The following IGSF11 variants were observed in gnomAD, a reference collection of about 807,000 sequenced individuals.
IGSF11 encodes the protein CXADR like 1.
In IGSF11, 22 loss-of-function variants were observed where a neutral mutation model predicts 41.0. That is an observed-to-expected ratio of 0.54 (90% CI 0.38 to 0.77). IGSF11 has a LOEUF of 0.77. Ranked by LOEUF, IGSF11 falls within the 30% of genes least tolerant of loss-of-function variation. The pLI is 0.00. For missense variants in IGSF11, 444 were observed against 530.8 expected, an observed-to-expected ratio of 0.84 and a Z score of 1.61; for synonymous variants, 219 against 201.3, an observed-to-expected ratio of 1.09 and a Z score of -0.74.
chr3:119,140,648 C>T (rs1359578604), intron 1 of IGSF11, among the ~76,000 whole-genome samples: 4 of 152,136 alleles, frequency 2.6e-5, no homozygotes. Context: ...ACATTCCGCC[C>T]AACCGCAGCA....
At chr3:118,923,870 C>T (rs1942059423) in intron 4 of IGSF11, among the ~76,000 whole-genome samples, 1 of 152,138 alleles carries the variant, frequency 6.6e-6, no homozygotes, top group African/African-American at 2.4e-5. Context: ...AGCAGTTTGT[C>T]ACAATATTGG....
At chr3:119,095,310 T>C (rs2076832450) in intron 1 of IGSF11, among the ~76,000 whole-genome samples, 1 of 152,074 alleles carries the variant, frequency 6.6e-6, no homozygotes, top group African/African-American at 2.4e-5. Flanking sequence ...AATTGAACAA[T>C]GAACCAAGCA....
chr3:119,022,346 G>A (rs974953517), intron 1 of IGSF11, among the ~76,000 whole-genome samples: 4 of 152,194 alleles, frequency 2.6e-5, no homozygotes, highest in Admixed American at 1.3e-4. Flanking sequence ...TGGAAATAGC[G>A]GTGATAGCTG....
intron 1 of IGSF11, among the ~76,000 whole-genome samples, chr3:118,938,331 T>C (rs1195708895): frequency 6.6e-6 from 1 of 152,206 alleles, no homozygotes; most frequent in Non-Finnish European, 1.5e-5. Context: ...CGCATGGCCA[T>C]TGATTAGTGC....
intron 6 of IGSF11, among the ~76,000 whole-genome samples, chr3:118,904,014 A>T (rs779747155): frequency 1.3e-5 from 2 of 152,294 alleles, no homozygotes; most frequent in Middle Eastern, 3.4e-3. Context: ...GAGAGAGAAG[A>T]TACGCAGGCA....
At chr3:119,137,161 T>G (rs753111637) in intron 1 of IGSF11, among the ~76,000 whole-genome samples, 24 of 151,996 alleles carry the variant, frequency 1.6e-4, no homozygotes, top group Non-Finnish European at 3.4e-4. Context: ...AAGCAATCTA[T>G]AGATGTAATG....
chr3:119,131,872 C>G (rs924771760), intron 1 of IGSF11, among the ~76,000 whole-genome samples: 4 of 152,148 alleles, frequency 2.6e-5, no homozygotes, highest in African/African-American at 9.7e-5. Context: ...ACCCTACAAG[C>G]CAGAAGAGAG....
At chr3:119,007,496 C>T (rs899125589) in intron 1 of IGSF11, among the ~76,000 whole-genome samples, 3 of 152,138 alleles carry the variant, frequency 2.0e-5, no homozygotes, top group African/African-American at 7.2e-5. Context: ...CCCCCAGATT[C>T]ATTATTCTTA....
chr3:119,062,829 A>G (rs114126165), intron 1 of IGSF11, among the ~76,000 whole-genome samples: 101 of 152,248 alleles, frequency 6.6e-4, no homozygotes, highest in African/African-American at 2.4e-3. Context: ...GCCATGATAT[A>G]CAGGAACCCA....
chr3:119,117,443 A>G (rs1171938675), intron 1 of IGSF11, among the ~76,000 whole-genome samples: 1 of 152,176 alleles, frequency 6.6e-6, no homozygotes, highest in Non-Finnish European at 1.5e-5. Flanking sequence ...ACCTCTTTTT[A>G]AAATCATCAG....
At chr3:118,967,783 T>G (rs759107757) in intron 1 of IGSF11, among the ~76,000 whole-genome samples, 1 of 152,162 alleles carries the variant, frequency 6.6e-6, no homozygotes, top group Non-Finnish European at 1.5e-5. Flanking sequence ...TGAATACATA[T>G]AGTTGTATTG....
At chr3:119,068,932 T>C (rs1018391057) in intron 1 of IGSF11, among the ~76,000 whole-genome samples, 9 of 144,454 alleles carry the variant, frequency 6.2e-5, no homozygotes, top group African/African-American at 1.0e-4. Flanking sequence ...TTTTTCTTTT[T>C]TTTTTTTTTT....
Position 119,034,756 on chromosome 3 carries a change from G to T in IGSF11, c.-174C>A. On this transcript the variant is annotated 5_prime_UTR_variant, in exon 1 of 7. In the 5' UTR this introduces an upstream ATG that the reference lacks. Transcript: ENST00000393775. ...CAGACCCACAGACGAGCCAAGTGCA[G>T]CTGCAGCGCCGCCCGGCTCCGCGGA... 7.6e-7 allele frequency: 1 copy of T among 1,317,852 alleles called. No homozygotes were observed. 81.6% of individuals were successfully genotyped at this position (1,317,852 alleles called of 1,614,324 possible).
chr3:118,912,450 C>G lies in IGSF11; in HGVS notation c.581-6732G>C, dbSNP rs145061638. 2.6e-5 allele frequency among the ~76,000 whole-genome samples: 4 copies of G among 152,280 alleles called. No homozygotes were observed. The East Asian group carries it at 7.7e-4, about 29-fold the overall frequency. On this transcript the variant is annotated intron_variant, in intron 4 of 6. Coordinates refer to ENST00000393775, the MANE Select transcript of IGSF11 (RefSeq NM_001015887.3). Reference sequence around the variant, plus strand: ...ATTTTCAATTGCTGCAGGACAAATCCCGTGTTGCCTCACATCTCCAATCAT... The same window carrying G: ...ATTTTCAATTGCTGCAGGACAAATCGCGTGTTGCCTCACATCTCCAATCAT...
At chr3:118,933,489 T>TATACAC (rs561820742) in intron 1 of IGSF11, among the ~76,000 whole-genome samples, 10 of 148,804 alleles carry the variant, frequency 6.7e-5, no homozygotes, top group Non-Finnish European at 5.9e-5. Context: ...TATATATATA[T>TATACAC]ACACACACAC....
chr3:119,036,257 T>TG (rs1940896236), upstream of IGSF11, among the ~76,000 whole-genome samples: 3 of 152,236 alleles, frequency 2.0e-5, 1 homozygote, highest in South Asian at 6.2e-4. Flanking sequence ...ATAAATGATA[T>TG]GACAGTAGAG....
upstream of IGSF11, among the ~76,000 whole-genome samples, chr3:119,037,853 A>T (rs1475763920): frequency 6.6e-6 from 1 of 152,222 alleles, no homozygotes; most frequent in Non-Finnish European, 1.5e-5. Flanking sequence ...TTATTTTTGA[A>T]TTAGCTATTT....
At chr3:119,050,288 C>G (rs1458993075) in intron 1 of IGSF11, among the ~76,000 whole-genome samples, 5 of 147,880 alleles carry the variant, frequency 3.4e-5, no homozygotes, top group African/African-American at 1.2e-4. Flanking sequence ...ACAATGAACT[C>G]AAATTTACAA....
At chr3:119,031,248 A>G (rs1940368435) in intron 1 of IGSF11, among the ~76,000 whole-genome samples, 1 of 148,476 alleles carries the variant, frequency 6.7e-6, no homozygotes, top group Non-Finnish European at 1.5e-5. Context: ...CAAAAGCCAG[A>G]CTCCATCTCA....
Sources: gnomAD v4.1 joint callset for allele counts (sites outside exome capture counted in the v4.1 genomes callset) on GRCh38, gnomAD v4.1.1 for gene constraint, MANE v1.5 for transcripts, NCBI Gene and HGNC (gene_info 2026-07-23, HGNC 2026-07-21) for gene names.